The following KPRP variants were observed in gnomAD, a reference collection of about 807,000 sequenced individuals.
KPRP encodes keratinocyte proline-rich protein.
For missense variants in KPRP, 820 were observed against 746.4 expected, an observed-to-expected ratio of 1.10 and a Z score of -1.15; for synonymous variants, 282 against 276.9, an observed-to-expected ratio of 1.02 and a Z score of -0.18.
At chr1:152,760,528 A>T in exon 1 of KPRP, 3 of 1,611,776 alleles carry the variant, frequency 1.9e-6, no homozygotes, top group Non-Finnish European at 2.5e-6. Flanking sequence ...TCGCCGCCCC[A>T]TTTCAAGCTG....
chr1:152,758,736 C>G (rs999097513), upstream of KPRP, among the ~76,000 whole-genome samples: 6 of 152,190 alleles, frequency 3.9e-5, no homozygotes, highest in African/African-American at 1.4e-4. Context: ...CTTACTCCAT[C>G]TTAGGTAACT....
chr1:152,760,911 T>C (rs1344814605), exon 1 of KPRP: 19 of 1,613,800 alleles, frequency 1.2e-5, no homozygotes, highest in Middle Eastern at 1.6e-4. Context: ...CAGCACTACG[T>C]CCAACACCGC....
chr1:152,761,400 A>G (rs2101564676), exon 1 of KPRP: 1 of 1,524,896 alleles, frequency 6.6e-7, no homozygotes, highest in Non-Finnish European at 8.8e-7. Flanking sequence ...AATTTCCAGT[A>G]CGCTCTTGTT....
exon 1 of KPRP, chr1:152,760,679 G>T: frequency 6.2e-7 from 1 of 1,612,810 alleles, no homozygotes; most frequent in Non-Finnish European, 8.5e-7. Flanking sequence ...CCCTCCTGGG[G>T]CGCCTCCTGC....
exon 1 of KPRP, chr1:152,761,390 A>C: frequency 6.5e-7 from 1 of 1,541,958 alleles, no homozygotes; most frequent in East Asian, 2.3e-5. Context: ...CCTATTCCAC[A>C]ATTTCCAGTA....
exon 1 of KPRP, chr1:152,759,620 T>C (rs1178174755): frequency 6.2e-7 from 1 of 1,614,096 alleles, no homozygotes; most frequent in South Asian, 1.1e-5. Flanking sequence ...CAGTGCCGCC[T>C]GCCGCTCCAA....
exon 1 of KPRP, chr1:152,760,064 C>T (rs1651056191): frequency 6.2e-7 from 1 of 1,614,200 alleles, no homozygotes. Context: ...TGTCCAGCTC[C>T]TCAGCCTGTC....
chr1:152,760,345 A>G (rs1215259966), exon 1 of KPRP: 1 of 1,614,006 alleles, frequency 6.2e-7, no homozygotes, highest in Non-Finnish European at 8.5e-7. Flanking sequence ...TCGGAGCACC[A>G]GCAGATGCCT....
At chr1:152,760,152 T>C (rs1651061595) in exon 1 of KPRP, 1 of 1,614,040 alleles carries the variant, frequency 6.2e-7, no homozygotes, top group Non-Finnish European at 8.5e-7. Context: ...AAGGCTCCTA[T>C]AGCAGTTGTG....
At chr1:152,761,744 A>C in exon 1 of KPRP, 2 of 188,322 alleles carry the variant, frequency 1.1e-5, no homozygotes, top group Admixed American at 5.5e-5. Context: ...GCTTGTTCCC[A>C]CTCACAAGAA....
upstream of KPRP, among the ~76,000 whole-genome samples, chr1:152,758,160 C>T (rs867964393): frequency 2.0e-5 from 3 of 152,086 alleles, no homozygotes; most frequent in African/African-American, 7.2e-5. Context: ...AAGCTAGGCA[C>T]CAGGGAGGGC....
chr1:152,759,781 T>C lies in KPRP; in HGVS notation c.193T>C (p.Cys65Arg). The change falls in exon 1 of 1, where the codon TGC becomes CGC. Residue 65 changes from cysteine (C) to arginine (R), a missense_variant. Coordinates refer to ENST00000606109, the Ensembl canonical transcript of KPRP. ...TTGCCAGGTGTCAGACCAGGCTCCA[T>C]GCCAGTCTCAGACCACACAGGTGAA... 1 of 1,614,142 alleles carries C rather than the reference T, an allele frequency of 6.2e-7. No individual in the cohort carries two copies. Among genetic ancestry groups the C allele is most frequent in the Non-Finnish European group, 8.5e-7 (1 of 1,180,032 alleles).
exon 1 of KPRP, chr1:152,760,167 C>G (rs1651062315): frequency 6.2e-7 from 1 of 1,613,956 alleles, no homozygotes; most frequent in Admixed American, 1.7e-5. Flanking sequence ...GTTGTGGCCC[C>G]CAGTTTCAGT....
At chr1:152,761,869 T>C (rs1651151314) in exon 1 of KPRP, 1 of 169,216 alleles carries the variant, frequency 5.9e-6, no homozygotes, top group South Asian at 2.0e-4. Context: ...TCTGCCCAAC[T>C]AGGTTGTAAA....
exon 1 of KPRP, chr1:152,761,457 G>A: frequency 6.9e-7 from 1 of 1,446,064 alleles, no homozygotes; most frequent in Non-Finnish European, 9.1e-7. Context: ...CGAAGGTGAT[G>A]TCCAAACTCC....
At chr1:152,758,437 G>A (rs2101560304), upstream of KPRP, among the ~76,000 whole-genome samples, 1 of 152,298 alleles carries the variant, frequency 6.6e-6, no homozygotes, top group Admixed American at 6.5e-5. Context: ...ATTGAAAATA[G>A]AAGGTTTGAA....
chr1:152,760,160 G>A lies in KPRP; in HGVS notation c.572G>A (p.Cys191Tyr), dbSNP rs889833467. The change falls in exon 1 of 1, where the codon TGT (cysteine) becomes TAT (tyrosine). Residue 191 changes from cysteine to tyrosine, a missense_variant. Physicochemically the swap from Cys to Tyr is radical, Grantham distance 194. Coordinates refer to ENST00000606109, the Ensembl canonical transcript of KPRP. ...CAGTATCAAGGCTCCTATAGCAGTT[G>A]TGGCCCCCAGTTTCAGTCAAGGGCT... is the stretch of plus-strand genomic sequence containing the variant. 3.1e-6 allele frequency: 5 copies of A among 1,614,004 alleles called. No homozygotes were observed. In the African/African-American group the frequency reaches 6.7e-5, roughly 22 times the overall value.
At chr1:152,759,671 C>T in exon 1 of KPRP, 1 of 1,614,174 alleles carries the variant, frequency 6.2e-7, no homozygotes, top group Non-Finnish European at 8.5e-7. Context: ...TCCTCTCAAT[C>T]CCCCTTTGCC....
Position 152,760,614 on chromosome 1 carries a change from G to A in KPRP, c.1026G>A (p.Arg342=), listed in dbSNP as rs73016707. The change falls in exon 1 of 1, where the codon AGG becomes AGA. Residue 342 remains arginine, a synonymous_variant. Coordinates refer to ENST00000606109, the Ensembl canonical transcript of KPRP. The stretch of plus-strand genomic sequence containing the variant: ...GCCCCAGGCAGGTTCCCCCACAGAG[G>A]TGTCCTGTTGAGATTCCTCCCATCA... 3.0e-3 allele frequency: 4,830 copies of A among 1,609,184 alleles called. 123 individuals carry two copies. The African/African-American group carries it at 0.053, about 18-fold the overall frequency.
Sources: gnomAD v4.1 joint callset for allele counts (sites outside exome capture counted in the v4.1 genomes callset) on GRCh38, gnomAD v4.1.1 for gene constraint, MANE v1.5 for transcripts, NCBI Gene and HGNC (gene_info 2026-07-23, HGNC 2026-07-21) for gene names.